The following CSMD1 variants were observed in gnomAD, a reference collection of about 807,000 sequenced individuals.
CSMD1 encodes the protein CUB and Sushi multiple domains 1.
CSMD1 carries 213 observed loss-of-function variants against 417.5 expected under a neutral mutation model. The observed-to-expected ratio is 0.51, with a 90% CI of 0.46 to 0.57. The LOEUF is 0.57. Ranked by LOEUF, CSMD1 falls within the 20% of genes least tolerant of loss-of-function variation. The pLI, the probability that CSMD1 is intolerant of heterozygous loss-of-function variation, is 0.00. For missense variants in CSMD1, 6,923 were observed against 4,529.7 expected (o/e 1.53, Z -15.17); for synonymous variants, 2,862 against 1,736.8 (o/e 1.65, Z -16.11).
chr8:3,243,586 G>A (rs997112101), intron 26 of CSMD1, among the ~76,000 whole-genome samples: 1 of 152,024 alleles, frequency 6.6e-6, no homozygotes, highest in Non-Finnish European at 1.5e-5. Flanking sequence ...AGTTAAGGCA[G>A]GAACAGGCCA....
chr8:4,969,139 T>C (rs1055870820), intron 1 of CSMD1, among the ~76,000 whole-genome samples: 2 of 152,286 alleles, frequency 1.3e-5, no homozygotes, highest in South Asian at 2.1e-4. Flanking sequence ...ATGTACCTTA[T>C]TGTACTTTAT....
intron 5 of CSMD1, among the ~76,000 whole-genome samples, chr8:3,792,544 G>A (rs955340310): frequency 1.3e-5 from 2 of 152,098 alleles, no homozygotes; most frequent in Admixed American, 1.3e-4. Flanking sequence ...TTATTTTTCA[G>A]ACTAGTAACT....
intron 33 of CSMD1, among the ~76,000 whole-genome samples, chr8:3,193,522 T>C (rs1383658654): frequency 6.6e-6 from 1 of 152,116 alleles, no homozygotes; most frequent in Admixed American, 6.6e-5. Flanking sequence ...GCCCGTCCTC[T>C]GGGTCTGGCC....
chr8:3,926,966 G>A lies in CSMD1; in HGVS notation c.818+70937C>T, dbSNP rs184664041. ...CCTGACATCGTGATCCACCCACCTC[G>A]GCCTCCCAAAGTGCTAGGATTACAG... On this transcript the variant is annotated intron_variant, in intron 5 of 69. Transcript: ENST00000635120. 2.5e-3 allele frequency among the ~76,000 whole-genome samples: 374 copies of A among 151,786 alleles called. 5 individuals are homozygous for A. The highest frequency in any genetic ancestry group is 7.9e-3 in the African/African-American group (328 of 41,438).
At chr8:3,873,317 C>A (rs1805605768) in intron 5 of CSMD1, among the ~76,000 whole-genome samples, 1 of 151,918 alleles carries the variant, frequency 6.6e-6, no homozygotes, top group African/African-American at 2.4e-5. Context: ...TGCCCATCAG[C>A]TGTAGAATGG....
chr8:3,370,873 G>C (rs993538630), intron 18 of CSMD1, among the ~76,000 whole-genome samples: 3 of 152,154 alleles, frequency 2.0e-5, no homozygotes, highest in Non-Finnish European at 2.9e-5. Context: ...CTATTCAGAA[G>C]GCTGAGGAAG....
chr8:4,903,481 C>T (rs930945930), intron 1 of CSMD1, among the ~76,000 whole-genome samples: 1 of 152,100 alleles, frequency 6.6e-6, no homozygotes, highest in Non-Finnish European at 1.5e-5. Context: ...AAATGTATAT[C>T]GTTAATGTTT....
At chr8:3,107,979 G>A (rs569486284) in intron 44 of CSMD1, among the ~76,000 whole-genome samples, 181 bp from the exon 45 acceptor site, 80 of 152,144 alleles carry the variant, frequency 5.3e-4, no homozygotes, top group African/African-American at 1.8e-3. Flanking sequence ...TTATTATTTA[G>A]TGCCAAAAAA....
At chr8:4,051,109 G>C (rs545043749) in intron 3 of CSMD1, among the ~76,000 whole-genome samples, 3 of 151,608 alleles carry the variant, frequency 2.0e-5, no homozygotes, top group Admixed American at 6.6e-5. Context: ...TTGAAAGGGA[G>C]AACCAGGAAA....
chr8:4,910,655 A>C (rs946500619), intron 1 of CSMD1, among the ~76,000 whole-genome samples: 1 of 152,208 alleles, frequency 6.6e-6, no homozygotes, highest in Non-Finnish European at 1.5e-5. Flanking sequence ...AGATTTTAAC[A>C]TATTAATTTT....
At position 3,699,343 on chromosome 8, in the gene CSMD1, C is replaced by T. The variant is rs117109137; in HGVS notation, c.1009+9071G>A. On this transcript the variant is annotated intron_variant, in intron 7 of 69. Coordinates refer to ENST00000635120, the MANE Select transcript of CSMD1 (RefSeq NM_033225.6). ...ATGATTCTGAAACTAGTGTGTTTTA[C>T]TGACATGGATGAATTATTTAATTAT... Among the ~76,000 whole-genome samples, 895 of 152,286 alleles carry T rather than the reference C, an allele frequency of 5.9e-3. 11 individuals are homozygous for T. The highest frequency in any genetic ancestry group is 0.017 in the African/African-American group (718 of 41,564).
intron 7 of CSMD1, among the ~76,000 whole-genome samples, chr8:3,676,874 A>G (rs1243827849): frequency 6.6e-6 from 1 of 152,144 alleles, no homozygotes; most frequent in Non-Finnish European, 1.5e-5. Flanking sequence ...GAAGCTGGAA[A>G]CCATCATTCT....
chr8:4,866,912 T>C (rs1226268011), intron 1 of CSMD1, among the ~76,000 whole-genome samples: 1 of 152,004 alleles, frequency 6.6e-6, no homozygotes, highest in African/African-American at 2.4e-5. Context: ...TTTGCCATTA[T>C]TTTAATGGCA....
In CSMD1 at chr8:4,001,192, T is replaced by C. The variant is rs191728729; in HGVS notation, c.611-3082A>G. 5.3e-4 allele frequency among the ~76,000 whole-genome samples: 80 copies of C among 152,252 alleles called. No homozygotes were observed. The East Asian group carries it at 0.011, about 22-fold the overall frequency. ...GTATAGAATAAACATAGAATACAAG[T>C]GTATAGAATAAGAAGCTTAACCGAT... On this transcript the variant is annotated intron_variant, in intron 4 of 69. Transcript: ENST00000635120.
intron 3 of CSMD1, among the ~76,000 whole-genome samples, chr8:4,206,214 C>G (rs1185836332): frequency 1.3e-5 from 2 of 151,932 alleles, no homozygotes; most frequent in Non-Finnish European, 2.9e-5. Context: ...TTTTTAAATA[C>G]TTTAAGTTCT....
At chr8:3,377,825 G>A (rs1411890949) in intron 18 of CSMD1, among the ~76,000 whole-genome samples, 2 of 152,168 alleles carry the variant, frequency 1.3e-5, no homozygotes, top group Non-Finnish European at 2.9e-5. Flanking sequence ...AAATCAAACT[G>A]AACTGACTGT....
At chr8:3,009,114 A>T (rs1268616477) in intron 52 of CSMD1, among the ~76,000 whole-genome samples, 1 of 152,122 alleles carries the variant, frequency 6.6e-6, no homozygotes, top group Non-Finnish European at 1.5e-5. Flanking sequence ...TTCTTTGGGG[A>T]GGAATCGGCT....
chr8:3,322,138 G>C (rs987658090), intron 23 of CSMD1, among the ~76,000 whole-genome samples: 5 of 152,088 alleles, frequency 3.3e-5, no homozygotes, highest in Admixed American at 2.0e-4. Flanking sequence ...TGTTATTTTG[G>C]TCATAATGAG....
chr8:3,834,467 T>A (rs185335675), intron 5 of CSMD1, among the ~76,000 whole-genome samples: 1 of 152,154 alleles, frequency 6.6e-6, no homozygotes, highest in Admixed American at 6.5e-5. Flanking sequence ...CAGTGCTCCA[T>A]GTGTGTTGTT....
Sources: allele counts gnomAD v4.1 joint callset (sites outside exome capture counted in the v4.1 genomes callset), GRCh38; gene constraint gnomAD v4.1.1; transcripts MANE v1.5; gene names NCBI Gene and HGNC (gene_info 2026-07-23, HGNC 2026-07-21).